The following GPATCH2L variants were observed in gnomAD, a reference collection of about 807,000 sequenced individuals.
The protein encoded by GPATCH2L is G-patch domain containing 2 like.
Under a neutral mutation model 57.4 loss-of-function variants are expected in GPATCH2L, and 31 were observed. The ratio of observed to expected loss-of-function variants is 0.54; its 90% CI spans 0.41 to 0.73. GPATCH2L has a LOEUF of 0.73. GPATCH2L is among the 30% of genes least tolerant of loss of function. The pLI is 0.00. For missense variants in GPATCH2L, 481 were observed against 599.9 expected, an observed-to-expected ratio of 0.80 and a Z score of 2.07; for synonymous variants, 199 against 210.7, an observed-to-expected ratio of 0.94 and a Z score of 0.48.
chr14:76,173,690 C>T, intron 5 of GPATCH2L, 65 bp downstream of exon 5: 1 of 1,008,556 alleles, frequency 9.9e-7, no homozygotes, highest in Non-Finnish European at 1.6e-6. Context: ...AGTTGTGTAT[C>T]CTATTAACAA....
chr14:76,201,338 A>G (rs951866044), intron 9 of GPATCH2L, among the ~76,000 whole-genome samples: 4 of 152,166 alleles, frequency 2.6e-5, no homozygotes, highest in Non-Finnish European at 4.4e-5. Flanking sequence ...AGTCATCTCT[A>G]TGAGCATCTA....
intron 5 of GPATCH2L, chr14:76,175,673 A>G (rs1206800935): frequency 6.6e-6 from 1 of 152,198 alleles, no homozygotes; most frequent in Non-Finnish European, 1.5e-5. Context: ...AAAACTTCTC[A>G]TTTAACTCCA....
chr14:76,188,831 G>C (rs77685817), intron 8 of GPATCH2L, among the ~76,000 whole-genome samples: 33,892 of 151,860 alleles, frequency 0.22, 4,421 homozygotes, highest in African/African-American at 0.37. Flanking sequence ...TAGTTTCATA[G>C]TTTGAGATTT....
chr14:76,163,790 G>A (rs2591092), intron 2 of GPATCH2L, among the ~76,000 whole-genome samples: 116,763 of 152,138 alleles, frequency 0.77, 45,821 homozygotes, highest in South Asian at 0.88. Flanking sequence ...GTGACATGCC[G>A]CAAGGCCATA....
At chr14:76,222,636 A>G (rs1004921333) in intron 1 of GPATCH2L, among the ~76,000 whole-genome samples, 2 of 151,306 alleles carry the variant, frequency 1.3e-5, no homozygotes, top group Non-Finnish European at 2.9e-5. Flanking sequence ...ATAAATAGAA[A>G]ATTTGAATTG....
At chr14:76,173,385 A>G (rs1214166868) in intron 4 of GPATCH2L, among the ~76,000 whole-genome samples, 161 bp from the exon 5 acceptor site, 1 of 152,128 alleles carries the variant, frequency 6.6e-6, no homozygotes, top group African/African-American at 2.4e-5. Context: ...TGCTAGTGAC[A>G]AAGACCTGGG....
chr14:76,232,908 A>G (rs2040579905), intron 2 of GPATCH2L, among the ~76,000 whole-genome samples: 1 of 152,182 alleles, frequency 6.6e-6, no homozygotes, highest in African/African-American at 2.4e-5. Flanking sequence ...CAGCCCCTCC[A>G]GAGGTAAAAT....
intron 2 of GPATCH2L, among the ~76,000 whole-genome samples, chr14:76,164,295 A>G (rs117543090): frequency 2.4e-3 from 362 of 152,316 alleles, no homozygotes; most frequent in Non-Finnish European, 4.3e-3. Context: ...TTTGGGCCAG[A>G]TAATTCTCTG....
downstream of GPATCH2L, among the ~76,000 whole-genome samples, chr14:76,217,582 T>C (rs148009977): frequency 1.4e-5 from 2 of 139,474 alleles, no homozygotes; most frequent in East Asian, 4.1e-4. Flanking sequence ...TAAGAGGAGA[T>C]ATATTTGACT....
intron 3 of GPATCH2L, among the ~76,000 whole-genome samples, chr14:76,170,327 A>G (rs1304145465): frequency 1.3e-5 from 2 of 152,180 alleles, no homozygotes. Flanking sequence ...TCTTGTAATA[A>G]TTTCCTTCAA....
At position 76,211,382 on chromosome 14, in the gene GPATCH2L, T is replaced by A. The variant is rs1241694799; in HGVS notation, c.*9531T>A. The A allele has an allele frequency of 1.3e-5, 2 of 152,224 alleles. No individual in the cohort carries two copies. Among genetic ancestry groups the A allele is most frequent in the Non-Finnish European group, 2.9e-5 (2 of 68,044 alleles). 9.4% of individuals were successfully genotyped at this position (152,224 alleles called of 1,614,324 possible). On this transcript the variant is annotated 3_prime_UTR_variant, in exon 10 of 10. Coordinates refer to ENST00000261530, the MANE Select transcript of GPATCH2L (RefSeq NM_017926.4). ...TGTGAACAGATTTGCATTGCCTTGA[T>A]CACCTTCCGTGGGAAATATAGCTAG...
chr14:76,190,001 G>A (rs2039907154), intron 8 of GPATCH2L, among the ~76,000 whole-genome samples: 1 of 152,092 alleles, frequency 6.6e-6, no homozygotes, highest in Non-Finnish European at 1.5e-5. Context: ...CAGACAGACT[G>A]TTTTCTCTCC....
intron 1 of GPATCH2L, among the ~76,000 whole-genome samples, chr14:76,221,917 C>T (rs560271391): frequency 6.6e-6 from 1 of 152,240 alleles, no homozygotes; most frequent in South Asian, 2.1e-4. Flanking sequence ...ATACATTTAT[C>T]AAAACCCATA....
In GPATCH2L at chr14:76,204,860, A is replaced by T. The variant is rs775145903; in HGVS notation, c.*3009A>T. On this transcript the variant is annotated 3_prime_UTR_variant, in exon 10 of 10. Coordinates refer to ENST00000261530, the MANE Select transcript of GPATCH2L (RefSeq NM_017926.4). ...CAGAACATTATCTGCTTCTGTGAGG[A>T]TCATAATAAAAAGTTAGTTTTAATT... 1.3e-5 allele frequency: 2 copies of T among 152,198 alleles called. No individual in the cohort carries two copies. The highest frequency in any genetic ancestry group is 2.9e-5 in the Non-Finnish European group (2 of 68,042). 9.4% of individuals were successfully genotyped at this position (152,198 alleles called of 1,614,324 possible). A position where few individuals can be genotyped will look rare whatever the true frequency, so the allele number is the denominator to read the frequency against.
intron 8 of GPATCH2L, among the ~76,000 whole-genome samples, chr14:76,192,662 A>C (rs1037506028): frequency 6.6e-6 from 1 of 152,148 alleles, no homozygotes; most frequent in African/African-American, 2.4e-5. Context: ...CTATATCCCT[A>C]GTGTTTAGTA....
intron 8 of GPATCH2L, among the ~76,000 whole-genome samples, chr14:76,186,431 TG>T (rs1170383808): frequency 6.6e-6 from 1 of 152,218 alleles, no homozygotes; most frequent in Non-Finnish European, 1.5e-5. Flanking sequence ...ACTCACTTCA[TG>T]CTATTAATTT....
intron 3 of GPATCH2L, among the ~76,000 whole-genome samples, chr14:76,169,646 G>A (rs1299353165): frequency 6.6e-6 from 1 of 152,040 alleles, no homozygotes; most frequent in African/African-American, 2.4e-5. Flanking sequence ...GTCCCTTTTT[G>A]TATTATTAAA....
intron 8 of GPATCH2L, among the ~76,000 whole-genome samples, chr14:76,189,948 G>C (rs571105504): frequency 6.6e-6 from 1 of 152,158 alleles, no homozygotes; most frequent in Admixed American, 6.6e-5. Flanking sequence ...AAAAATGAGT[G>C]ATTTTTGAAG....
intron 9 of GPATCH2L, among the ~76,000 whole-genome samples, chr14:76,201,012 A>G (rs138538194): frequency 1.3e-5 from 2 of 152,178 alleles, no homozygotes; most frequent in Non-Finnish European, 1.5e-5. Context: ...TAGGATCCAG[A>G]TCGGTAAGTG....
Sources: gnomAD v4.1 joint callset for allele counts (sites outside exome capture counted in the v4.1 genomes callset) on GRCh38, gnomAD v4.1.1 for gene constraint, MANE v1.5 for transcripts, NCBI Gene and HGNC (gene_info 2026-07-23, HGNC 2026-07-21) for gene names.